Variants in GMFB observed in about 807,000 individuals in gnomAD.
GMFB encodes glia maturation factor beta.
GMFB carries 13 observed loss-of-function variants against 25.6 expected under a neutral mutation model. The ratio of observed to expected loss-of-function variants is 0.51; its 90% CI spans 0.33 to 0.81. GMFB has a LOEUF of 0.81. Ranked by LOEUF, GMFB falls within the 30% of genes least tolerant of loss-of-function variation. The pLI is 0.02. For missense variants in GMFB, 146 were observed against 175.4 expected (o/e 0.83, Z 0.95); for synonymous variants, 57 against 56.9 (o/e 1.00, Z 0.00).
chr14:54,480,427 G>C (rs1038646936), intron 5 of GMFB: 1 of 157,892 alleles, frequency 6.3e-6, no homozygotes, highest in African/African-American at 2.4e-5. Flanking sequence ...TTAAATACCA[G>C]TAACCCATTT....
intron 4 of GMFB, 171 bp downstream of exon 4, chr14:54,481,237 TC>T (rs2031706755): frequency 1.7e-6 from 1 of 592,758 alleles, no homozygotes; most frequent in African/African-American, 1.9e-5. Context: ...AAATTATTCA[TC>T]CCACGAATAA....
rs2031638976 is a variant in GMFB at position 54,476,235 on chromosome 14, T to G, written c.*1853A>C. On this transcript the variant is annotated 3_prime_UTR_variant, in exon 7 of 7. Coordinates refer to ENST00000358056, the MANE Select transcript of GMFB (RefSeq NM_004124.3). ...ATATTATCTGACATTATGGAGGACC[T>G]CCAAATTTAAAAATAAGCAAAACTA... 1 of 151,948 alleles carries G rather than the reference T, an allele frequency of 6.6e-6. No individual in the cohort carries two copies. Among genetic ancestry groups the G allele is most frequent in the East Asian group, 1.9e-4 (1 of 5,196 alleles). The allele number at this position is 151,948 out of a possible 1,614,324, so 9.4% of individuals were successfully genotyped here. A position where few individuals can be genotyped will look rare whatever the true frequency, so the allele number is the denominator to read the frequency against.
intron 1 of GMFB, chr14:54,484,013 T>C (rs949088391): frequency 1.0e-5 from 6 of 586,578 alleles, no homozygotes; most frequent in Non-Finnish European, 1.6e-5. Flanking sequence ...CTTTGGCTAA[T>C]GAATGTCTCA....
At chr14:54,484,197 T>G (rs1423923597) in intron 1 of GMFB, 1 of 179,234 alleles carries the variant, frequency 5.6e-6, no homozygotes. Context: ...AATAAATTAT[T>G]TTTTGTCCTC....
At position 54,477,988 on chromosome 14, in the gene GMFB, T is replaced by C; in HGVS notation, c.*100A>G. 3 of 552,180 alleles carry C rather than the reference T, an allele frequency of 5.4e-6. No homozygotes were observed. The highest frequency in any genetic ancestry group is 9.6e-6 in the Non-Finnish European group (3 of 312,552). 34.2% of individuals were successfully genotyped at this position (552,180 alleles called of 1,614,324 possible). Reference sequence around the variant, plus strand: ...TTTTTCTTTACTGCAGGAAACAAACTGTAAGTAACAGTGCATTTTTAGGCA... The same window carrying C: ...TTTTTCTTTACTGCAGGAAACAAACCGTAAGTAACAGTGCATTTTTAGGCA... On this transcript the variant is annotated 3_prime_UTR_variant, in exon 7 of 7. Coordinates refer to ENST00000358056, the MANE Select transcript of GMFB (RefSeq NM_004124.3).
At chr14:54,479,684 C>T (rs929341760) in intron 6 of GMFB, 102 bp downstream of exon 6, 14 of 666,378 alleles carry the variant, frequency 2.1e-5, no homozygotes, top group Non-Finnish European at 3.7e-5. Context: ...GTCTAAATAA[C>T]CTTCACCTGC....
Position 54,480,920 on chromosome 14 carries a change from A to G in GMFB, c.237T>C (p.Asp79=), listed in dbSNP as rs1473650752. 9.7e-6 allele frequency: 15 copies of G among 1,539,672 alleles called. No individual in the cohort carries two copies. Among genetic ancestry groups the G allele is most frequent in the Non-Finnish European group, 1.3e-5 (15 of 1,121,132 alleles). Residue 79 remains aspartate, a synonymous_variant, in exon 5 of 7, where the codon GAT becomes GAC. Transcript: ENST00000358056. The stretch of plus-strand genomic sequence containing the variant: ...AGCACAGAGGATATGAAACTCTTCC[A>G]TCATCATGTTGATATTTATAACTAT... ...IVYSYKYQHD[D]GRVSYPLCFI...
chr14:54,482,528 G>A (rs1461672663), intron 2 of GMFB, among the ~76,000 whole-genome samples: 1 of 152,126 alleles, frequency 6.6e-6, no homozygotes, highest in Non-Finnish European at 1.5e-5. Flanking sequence ...GCCTGAAAGG[G>A]TAACTGTAAC....
intron 2 of GMFB, 196 bp downstream of exon 2, chr14:54,483,475 G>A: frequency 3.6e-6 from 2 of 558,252 alleles, no homozygotes; most frequent in Non-Finnish European, 6.4e-6. Flanking sequence ...CTATGGGGGA[G>A]GTGGGACAAT....
chr14:54,479,645 CAAA>C (rs762239860), intron 6 of GMFB, 138 bp downstream of exon 6: 4 of 524,588 alleles, frequency 7.6e-6, no homozygotes, highest in Non-Finnish European at 1.4e-5. Context: ...TTCCAGTTAA[CAAA>C]AAGCTTTGGC....
rs1314644365 is a variant in GMFB at position 54,475,527 on chromosome 14, C to G, written c.*2561G>C. 1 of 152,512 alleles carries G rather than the reference C, an allele frequency of 6.6e-6. No homozygotes were observed. The highest frequency in any genetic ancestry group is 1.5e-5 in the Non-Finnish European group (1 of 67,950). 9.4% of individuals were successfully genotyped at this position (152,512 alleles called of 1,614,324 possible). ...ATTTTAGAAGTCAATTAAACAAAAA[C>G]AGTCAACCAACTTTTTTCCTAATAT... is the stretch of plus-strand genomic sequence containing the variant. On this transcript the variant is annotated 3_prime_UTR_variant, in exon 7 of 7. Coordinates refer to ENST00000358056, the MANE Select transcript of GMFB (RefSeq NM_004124.3).
rs2031631933 is a variant in GMFB at position 54,475,845 on chromosome 14, T to C, written c.*2243A>G. The C allele has an allele frequency of 6.6e-6, 1 of 152,282 alleles. No individual in the cohort carries two copies. The highest frequency in any genetic ancestry group is 2.4e-5 in the African/African-American group (1 of 41,450). 9.4% of individuals were successfully genotyped at this position (152,282 alleles called of 1,614,324 possible). ...ATTTAAGGCTGAATGGGAATGGTTG[T>C]ACCAGAAAGATAACGGAATGTAAAA... On this transcript the variant is annotated 3_prime_UTR_variant, in exon 7 of 7. Transcript: ENST00000358056.
rs1594636803 is a variant in GMFB, at chr14:54,488,960, C to T, written c.-33G>A. On this transcript the variant is annotated 5_prime_UTR_variant, in exon 1 of 7. Coordinates refer to ENST00000358056, the MANE Select transcript of GMFB (RefSeq NM_004124.3). ...CCGGCCGTCAGCGGCCTGTCGCCTA[C>T]ACTCGGGCGCCTTTAAGAATGGCAC... The T allele has an allele frequency of 6.4e-7, 1 of 1,551,710 alleles. No homozygotes were observed.
chr14:54,484,449 T>C (rs1039179911), intron 1 of GMFB, among the ~76,000 whole-genome samples: 1 of 152,026 alleles, frequency 6.6e-6, no homozygotes, highest in Admixed American at 6.5e-5. Context: ...CTGGAAGCAA[T>C]GGATAAATTC....
chr14:54,481,332 A>T (rs2031708181), intron 4 of GMFB, 77 bp downstream of exon 4: 1 of 912,128 alleles, frequency 1.1e-6, no homozygotes, highest in Non-Finnish European at 1.8e-6. Context: ...ATACTTTTAG[A>T]TGTTTAACAA....
intron 3 of GMFB, 52 bp downstream of exon 3, chr14:54,482,101 G>T: frequency 8.7e-7 from 1 of 1,155,954 alleles, no homozygotes; most frequent in Non-Finnish European, 1.3e-6. Flanking sequence ...AGCATCTTTT[G>T]AGAAATAATA....
At chr14:54,481,977 G>T in intron 3 of GMFB, 176 bp downstream of exon 3, 2 of 572,914 alleles carry the variant, frequency 3.5e-6, no homozygotes, top group Admixed American at 3.2e-5. Context: ...TTTTAAACAA[G>T]GTAGTTAAAT....
intron 2 of GMFB, among the ~76,000 whole-genome samples, chr14:54,482,877 T>C (rs917370018): frequency 6.6e-6 from 1 of 152,066 alleles, no homozygotes; most frequent in African/African-American, 2.4e-5. Flanking sequence ...TTGCAGTAAA[T>C]GGCACTAACA....
intron 1 of GMFB, among the ~76,000 whole-genome samples, chr14:54,487,709 G>C (rs1487528883): frequency 1.3e-5 from 2 of 152,072 alleles, no homozygotes; most frequent in South Asian, 2.1e-4. Context: ...GTGAAACTCC[G>C]ACTCAAAGAA....
Sources: allele counts gnomAD v4.1 joint callset (sites outside exome capture counted in the v4.1 genomes callset), GRCh38; gene constraint gnomAD v4.1.1; transcripts MANE v1.5; gene names NCBI Gene and HGNC (gene_info 2026-07-23, HGNC 2026-07-21).